Variants in MAP7 observed in about 807,000 individuals in gnomAD.
MAP7 encodes the protein ensconsin.
In MAP7, 52 loss-of-function variants were observed where a neutral mutation model predicts 94.8. The observed-to-expected ratio is 0.55, with a 90% confidence interval of 0.44 to 0.69. The LOEUF (loss-of-function observed/expected upper bound fraction) is 0.69, where lower values mean the gene tolerates loss of function less well. MAP7 is among the 30% of genes least tolerant of loss of function. The pLI, the probability that MAP7 is intolerant of heterozygous loss-of-function variation, is 0.00. For synonymous variants in MAP7, 350 were observed against 357.0 expected (o/e 0.98, Z 0.22); for missense variants, 940 against 964.6 (o/e 0.97, Z 0.34).
chr6:136,371,945 C>T (rs536869827), intron 8 of MAP7, among the ~76,000 whole-genome samples: 4 of 152,276 alleles, frequency 2.6e-5, no homozygotes, highest in East Asian at 1.9e-4. Flanking sequence ...CAGCCTTTTA[C>T]GAATTAGTGA....
intron 16 of MAP7, among the ~76,000 whole-genome samples, chr6:136,350,048 T>G (rs188385916): frequency 1.3e-5 from 2 of 152,306 alleles, no homozygotes; most frequent in African/African-American, 4.8e-5. Context: ...CTAAAGACAT[T>G]AGGAAAAGTG....
chr6:136,459,024 A>G (rs1804301776), intron 1 of MAP7, among the ~76,000 whole-genome samples: 1 of 152,120 alleles, frequency 6.6e-6, no homozygotes, highest in African/African-American at 2.4e-5. Context: ...AGTATTTAAA[A>G]TTTAAGGAAC....
intron 1 of MAP7, among the ~76,000 whole-genome samples, chr6:136,526,959 T>C (rs1056908464): frequency 6.6e-6 from 1 of 151,798 alleles, no homozygotes; most frequent in Non-Finnish European, 1.5e-5. Context: ...GGAAGAACTA[T>C]GCTGGCTCCC....
intron 3 of MAP7, among the ~76,000 whole-genome samples, chr6:136,405,698 G>A (rs949731956): frequency 6.6e-6 from 1 of 152,224 alleles, no homozygotes; most frequent in Non-Finnish European, 1.5e-5. Context: ...TCTGTGGGAG[G>A]AGGAGGAAAT....
chr6:136,398,963 T>A (rs184374567), intron 3 of MAP7, among the ~76,000 whole-genome samples: 10 of 152,276 alleles, frequency 6.6e-5, no homozygotes, highest in Non-Finnish European at 1.2e-4. Context: ...CAGGGGAGCA[T>A]ATATTTTACT....
At chr6:136,408,899 A>G (rs546321829) in intron 3 of MAP7, among the ~76,000 whole-genome samples, 99 of 152,062 alleles carry the variant, frequency 6.5e-4, no homozygotes, top group Non-Finnish European at 1.2e-3. Context: ...ATCCTCACGT[A>G]CTCTAAGGCA....
chr6:136,504,413 A>G (rs1373069591), intron 1 of MAP7, among the ~76,000 whole-genome samples: 2 of 151,944 alleles, frequency 1.3e-5, no homozygotes, highest in African/African-American at 4.8e-5. Flanking sequence ...CAGTGGTGCA[A>G]TCTTGGCTCA....
At chr6:136,515,679 T>C (rs1454871508) in intron 1 of MAP7, among the ~76,000 whole-genome samples, 1 of 152,210 alleles carries the variant, frequency 6.6e-6, no homozygotes, top group Non-Finnish European at 1.5e-5. Flanking sequence ...ACACACACAA[T>C]ATTTGTTAAG....
chr6:136,450,794 A>T (rs1385413038), intron 1 of MAP7, among the ~76,000 whole-genome samples: 2 of 152,122 alleles, frequency 1.3e-5, no homozygotes, highest in Admixed American at 6.6e-5. Context: ...CAAAAAAAAA[A>T]AGAAAGAAAG....
intron 1 of MAP7, among the ~76,000 whole-genome samples, chr6:136,425,766 A>C (rs997140487): frequency 5.9e-5 from 9 of 152,192 alleles, no homozygotes; most frequent in African/African-American, 1.9e-4. Context: ...ATTTCTCCTT[A>C]GTTTAAATTC....
rs771653978 is a variant in MAP7, at chr6:136,356,755, T to C, written c.1952A>G (p.Asn651Ser). The change falls in exon 16 of 18, where the codon AAT becomes AGT. Residue 651 changes from asparagine (N) to serine (S), a missense_variant. Asn to Ser is a conservative substitution (Grantham distance 46, BLOSUM62 1). Transcript: ENST00000354570. Reference protein sequence around the residue: ...ALPCTTNAPGNGKPVGSPHVV... With the variant: ...ALPCTTNAPGSGKPVGSPHVV... ...ATGTGGGCTGCCAACTGGCTTTCCA[T>C]TTCCCGGAGCGTTTGTTGTACATGG... 1 of 1,614,190 alleles carries C rather than the reference T, an allele frequency of 6.2e-7. No individual in the cohort carries two copies. Among genetic ancestry groups the C allele is most frequent in the South Asian group, 1.1e-5 (1 of 91,074 alleles).
At chr6:136,533,070 C>T (rs12111109) in intron 1 of MAP7, among the ~76,000 whole-genome samples, 6,024 of 152,202 alleles carry the variant, frequency 0.04, 386 homozygotes, top group African/African-American at 0.13. Context: ...GTCGGGAGTT[C>T]GGGACCAGCC....
chr6:136,472,736 A>G (rs1430853523), intron 1 of MAP7, among the ~76,000 whole-genome samples: 2 of 152,180 alleles, frequency 1.3e-5, no homozygotes, highest in African/African-American at 4.8e-5. Context: ...CCTACTTGAC[A>G]TATTGGGCAA....
intron 1 of MAP7, among the ~76,000 whole-genome samples, chr6:136,478,483 T>TA (rs969038143): frequency 1.3e-5 from 2 of 151,688 alleles, no homozygotes; most frequent in African/African-American, 4.8e-5. Context: ...ATAACTTCTT[T>TA]AAAAAAATAC....
chr6:136,541,995 G>T (rs1249102684), intron 1 of MAP7, among the ~76,000 whole-genome samples: 1 of 152,106 alleles, frequency 6.6e-6, no homozygotes, highest in Non-Finnish European at 1.5e-5. Context: ...GGAGGCAGAG[G>T]TTACCGTGAG....
rs77365075 is a variant in MAP7 at position 136,491,308 on chromosome 6, T to C, written c.67+59034A>G. 0.012 allele frequency among the ~76,000 whole-genome samples: 1,800 copies of C among 152,302 alleles called. 83 individuals are homozygous for C. In the East Asian group the frequency reaches 0.13, roughly 11 times the overall value. ...AGTAGGGCAATTTCATATAATTCAA[T>C]CTAATATCTGACCCAATTTATGCCA... On this transcript the variant is annotated intron_variant, in intron 1 of 17. Transcript: ENST00000354570.
intron 1 of MAP7, among the ~76,000 whole-genome samples, chr6:136,462,936 C>G (rs1392034073): frequency 7.6e-6 from 1 of 131,250 alleles, no homozygotes; most frequent in African/African-American, 2.9e-5. Context: ...GCCTGGGCGA[C>G]AGAGTGAGAT....
At chr6:136,392,641 C>T (rs1424988106) in intron 3 of MAP7, among the ~76,000 whole-genome samples, 2 of 152,166 alleles carry the variant, frequency 1.3e-5, no homozygotes, top group East Asian at 1.9e-4. Flanking sequence ...GTGAGCATGT[C>T]CATGTAGAAT....
intron 3 of MAP7, among the ~76,000 whole-genome samples, chr6:136,405,588 C>T (rs569518789): frequency 6.6e-6 from 1 of 152,320 alleles, no homozygotes; most frequent in South Asian, 2.1e-4. Flanking sequence ...GTTCTGACTT[C>T]TACTCTGCAT....
Sources: gnomAD v4.1 joint callset for allele counts (sites outside exome capture counted in the v4.1 genomes callset) on GRCh38, gnomAD v4.1.1 for gene constraint, MANE v1.5 for transcripts, NCBI Gene and HGNC (gene_info 2026-07-23, HGNC 2026-07-21) for gene names.